Variants in PKHD1 observed in about 807,000 individuals in gnomAD.
The protein encoded by PKHD1 is PKHD1 ciliary IPT domain containing fibrocystin/polyductin.
Under a neutral mutation model 412.0 loss-of-function variants are expected in PKHD1, and 291 were observed. The observed-to-expected ratio is 0.71, with a 90% CI of 0.64 to 0.78. The LOEUF (loss-of-function observed/expected upper bound fraction) is 0.78, where lower values mean the gene tolerates loss of function less well. PKHD1 is among the 30% of genes least tolerant of loss of function. The pLI, the probability that PKHD1 is intolerant of heterozygous loss-of-function variation, is 0.00. For missense variants in PKHD1, 4,825 were observed against 4,950.7 expected, an observed-to-expected ratio of 0.97 and a Z score of 0.76; for synonymous variants, 1,777 against 1,821.5, an observed-to-expected ratio of 0.98 and a Z score of 0.62.
chr6:51,706,615 T>C (rs969187148), intron 60 of PKHD1, among the ~76,000 whole-genome samples: 1 of 152,118 alleles, frequency 6.6e-6, no homozygotes, highest in Non-Finnish European at 1.5e-5. Context: ...ATTGAATCAC[T>C]GATACTCCAC....
At chr6:51,950,220 A>AAAAAAAAAAAAAAAAAAATAT in intron 36 of PKHD1, among the ~76,000 whole-genome samples, 16 of 98,284 alleles carry the variant, frequency 1.6e-4, no homozygotes, top group African/African-American at 6.0e-4. Context: ...GAAAAAAAAA[A>AAAAAAAAAAAAAAAAAAATAT]ATATATATAT....
At chr6:51,638,289 G>A (rs1011646618) in intron 64 of PKHD1, among the ~76,000 whole-genome samples, 10 of 152,060 alleles carry the variant, frequency 6.6e-5, no homozygotes, top group Non-Finnish European at 1.2e-4. Context: ...CCTCATTAGT[G>A]AGTTAAATAA....
At chr6:52,065,921 A>T (rs1462210024) in intron 12 of PKHD1, 55 bp downstream of exon 12, 7 of 881,592 alleles carry the variant, frequency 7.9e-6, no homozygotes, top group Non-Finnish European at 1.4e-5. Flanking sequence ...CAGACATATA[A>T]TCTCCTAGAG....
At position 51,993,027 on chromosome 6, in the gene PKHD1, C is replaced by T. The variant is rs141002966; in HGVS notation, c.5751+17282G>A. 2.4e-3 allele frequency among the ~76,000 whole-genome samples: 360 copies of T among 152,314 alleles called. 1 individual carries two copies. Among genetic ancestry groups the T allele is most frequent in the African/African-American group, 8.4e-3 (349 of 41,560 alleles). ...ATTAGCCTTGCAATTTCTTAATGGG[C>T]TCCCCTGAGGGCTGGCTGGTAGAAT... On this transcript the variant is annotated intron_variant, in intron 35 of 66. Transcript: ENST00000371117.
At chr6:51,670,281 G>C (rs1219906100) in intron 60 of PKHD1, among the ~76,000 whole-genome samples, 3 of 152,262 alleles carry the variant, frequency 2.0e-5, no homozygotes, top group Admixed American at 6.5e-5. Flanking sequence ...TTGTTGAATT[G>C]ATCCGTTTAC....
intron 55 of PKHD1, among the ~76,000 whole-genome samples, chr6:51,761,953 G>C (rs2151066813): frequency 6.6e-6 from 1 of 152,104 alleles, no homozygotes; most frequent in Admixed American, 6.6e-5. Context: ...ATTTAAGAGT[G>C]ATCTTTGACT....
chr6:51,679,488 T>G (rs1174396423), intron 60 of PKHD1, among the ~76,000 whole-genome samples: 1 of 151,856 alleles, frequency 6.6e-6, no homozygotes, highest in Non-Finnish European at 1.5e-5. Flanking sequence ...AGCTCCTGAG[T>G]GCCCATGACT....
intron 55 of PKHD1, among the ~76,000 whole-genome samples, chr6:51,757,420 T>C (rs928201265): frequency 2.0e-5 from 3 of 152,114 alleles, no homozygotes; most frequent in Non-Finnish European, 4.4e-5. Flanking sequence ...ATTTTCTAAC[T>C]TCCTTATATA....
intron 60 of PKHD1, among the ~76,000 whole-genome samples, chr6:51,660,296 A>T (rs1772622017): frequency 6.6e-6 from 1 of 152,102 alleles, no homozygotes; most frequent in Admixed American, 6.6e-5. Flanking sequence ...GAAAAGCAAG[A>T]TAAACTGCTT....
chr6:51,843,758 T>C (rs1770647748), intron 50 of PKHD1, among the ~76,000 whole-genome samples: 1 of 152,248 alleles, frequency 6.6e-6, no homozygotes, highest in Non-Finnish European at 1.5e-5. Context: ...CAAACAATAG[T>C]GCACACAAGG....
chr6:51,663,837 AT>A (rs201809686), intron 60 of PKHD1, among the ~76,000 whole-genome samples: 3,144 of 152,302 alleles, frequency 0.021, 55 homozygotes, highest in Non-Finnish European at 0.034. Flanking sequence ...TTTCACATGT[AT>A]CCATAAGATT....
intron 66 of PKHD1, among the ~76,000 whole-genome samples, 164 bp downstream of exon 66, chr6:51,626,833 T>G (rs1440144900): frequency 6.6e-6 from 1 of 152,116 alleles, no homozygotes; most frequent in Non-Finnish European, 1.5e-5. Flanking sequence ...CAGCCAGACC[T>G]GTGTATTTTT....
At chr6:51,956,305 CGTGTGTGTGT>C (rs3062566) in intron 36 of PKHD1, among the ~76,000 whole-genome samples, 8 of 150,222 alleles carry the variant, frequency 5.3e-5, no homozygotes, top group African/African-American at 2.0e-4. Flanking sequence ...CTTATACATA[CGTGTGTGTGT>C]GTGTGTGTGT....
chr6:51,826,210 C>A (rs921681403), intron 52 of PKHD1, among the ~76,000 whole-genome samples: 3 of 152,120 alleles, frequency 2.0e-5, no homozygotes. Flanking sequence ...CTTTGAACAT[C>A]ACACGACTTT....
Position 52,028,189 on chromosome 6 carries a change from A to G in PKHD1, c.3527T>C (p.Val1176Ala). ...PLPAGLHRIS[V>A]SINGVSIHSQ... Reference sequence around the variant, plus strand: ...GTGAATGCTGACCCCATTGATAGAGACGGAAATTCTGTGGAGACCAGCTGG... The same window carrying G: ...GTGAATGCTGACCCCATTGATAGAGGCGGAAATTCTGTGGAGACCAGCTGG... Residue 1176 changes from valine (V) to alanine (A), a missense_variant, in exon 30 of 67, where the codon GTC becomes GCC. Val to Ala is a moderately conservative substitution (Grantham distance 64). Transcript: ENST00000371117. 2.5e-6 allele frequency: 4 copies of G among 1,614,228 alleles called. No homozygotes were observed. The highest frequency in any genetic ancestry group is 3.4e-6 in the Non-Finnish European group (4 of 1,180,042).
At chr6:52,050,816 T>C (rs2128198198) in intron 21 of PKHD1, among the ~76,000 whole-genome samples, 1 of 152,300 alleles carries the variant, frequency 6.6e-6, no homozygotes, top group Middle Eastern at 3.4e-3. Flanking sequence ...TTTTTTCACT[T>C]CTATTGGATT....
At chr6:51,768,813 AT>A (rs1333406112) in intron 55 of PKHD1, among the ~76,000 whole-genome samples, 1 of 151,696 alleles carries the variant, frequency 6.6e-6, no homozygotes, top group Non-Finnish European at 1.5e-5. Flanking sequence ...ATTTTGTATT[AT>A]TACTTAAACC....
At chr6:51,797,392 A>G (rs1467779284) in intron 52 of PKHD1, among the ~76,000 whole-genome samples, 1 of 152,110 alleles carries the variant, frequency 6.6e-6, no homozygotes, top group Non-Finnish European at 1.5e-5. Flanking sequence ...TAATATTGTC[A>G]GTGGGGTGTT....
intron 55 of PKHD1, among the ~76,000 whole-genome samples, chr6:51,771,205 C>T (rs1562274875): frequency 6.6e-6 from 1 of 151,122 alleles, no homozygotes; most frequent in East Asian, 2.0e-4. Context: ...AGGATACACA[C>T]ACACACACAC....
Sources: allele counts gnomAD v4.1 joint callset (sites outside exome capture counted in the v4.1 genomes callset), GRCh38; gene constraint gnomAD v4.1.1; transcripts MANE v1.5; gene names NCBI Gene and HGNC (gene_info 2026-07-23, HGNC 2026-07-21).